The following DGKI variants were observed in gnomAD, a reference collection of about 807,000 sequenced individuals.
The protein encoded by DGKI is diacylglycerol kinase iota, also known as DAG kinase iota.
In DGKI, 55 loss-of-function variants were observed where a neutral mutation model predicts 147.5. That is an observed-to-expected ratio of 0.37 (90% CI 0.30 to 0.47). The LOEUF (loss-of-function observed/expected upper bound fraction) is 0.47. DGKI is among the 20% of genes least tolerant of loss of function. DGKI has a pLI of 1.00. For missense variants in DGKI, 1,007 were observed against 1,323.8 expected (o/e 0.76, Z 3.71); for synonymous variants, 469 against 477.1 (o/e 0.98, Z 0.22).
At chr7:137,770,916 CA>C (rs1023982171) in intron 1 of DGKI, among the ~76,000 whole-genome samples, 3 of 151,814 alleles carry the variant, frequency 2.0e-5, no homozygotes, top group Admixed American at 6.6e-5. Context: ...TGAAGTGAAC[CA>C]AAAAAATCAG....
At chr7:137,394,040 G>A (rs369465558) in intron 32 of DGKI, among the ~76,000 whole-genome samples, 22 of 152,170 alleles carry the variant, frequency 1.4e-4, no homozygotes, top group African/African-American at 4.3e-4. Context: ...TGAGCTACTC[G>A]GTACCTGCTT....
At chr7:137,517,335 GAAAGAGAA>G (rs1276298202) in intron 21 of DGKI, among the ~76,000 whole-genome samples, 67 of 111,204 alleles carry the variant, frequency 6.0e-4, no homozygotes, top group South Asian at 1.7e-3. Flanking sequence ...AAGAAAGAAA[GAAAGAGAA>G]AGAAAGAAAG....
chr7:137,397,000 G>A (rs1260846375), intron 31 of DGKI, among the ~76,000 whole-genome samples: 2 of 152,112 alleles, frequency 1.3e-5, no homozygotes, highest in African/African-American at 4.8e-5. Flanking sequence ...TAATGCCTTA[G>A]GGCAGTAGGG....
intron 1 of DGKI, among the ~76,000 whole-genome samples, chr7:137,721,021 C>T (rs1051100583): frequency 6.6e-6 from 1 of 152,124 alleles, no homozygotes; most frequent in Non-Finnish European, 1.5e-5. Context: ...TCATAGGATA[C>T]CTTTTTGCAT....
chr7:137,548,387 G>A (rs952621015), intron 20 of DGKI, among the ~76,000 whole-genome samples: 1 of 152,158 alleles, frequency 6.6e-6, no homozygotes, highest in Non-Finnish European at 1.5e-5. Flanking sequence ...CCTGGTCAGA[G>A]GTGTTTGGGT....
chr7:137,485,544 C>T (rs1815525742), intron 22 of DGKI, 126 bp from the exon 23 acceptor site: 3 of 702,926 alleles, frequency 4.3e-6, no homozygotes, highest in Admixed American at 2.9e-5. Flanking sequence ...ATCGAACACA[C>T]CCAAATTCAT....
At chr7:137,473,585 C>A (rs1203259382) in intron 23 of DGKI, among the ~76,000 whole-genome samples, 1 of 152,082 alleles carries the variant, frequency 6.6e-6, no homozygotes, top group African/African-American at 2.4e-5. Context: ...CAGTAAAATG[C>A]CTTATGAGAA....
At chr7:137,558,303 G>A (rs1818295602) in intron 19 of DGKI, among the ~76,000 whole-genome samples, 1 of 152,008 alleles carries the variant, frequency 6.6e-6, no homozygotes, top group Non-Finnish European at 1.5e-5. Flanking sequence ...TGTTTGAGAT[G>A]GAGTCTCACT....
At chr7:137,812,627 T>A (rs1585523387) in intron 1 of DGKI, among the ~76,000 whole-genome samples, 1 of 152,206 alleles carries the variant, frequency 6.6e-6, no homozygotes, top group South Asian at 2.1e-4. Context: ...CCTTTCCATA[T>A]ATTAATTCAT....
At chr7:137,712,630 T>G (rs1023365716) in intron 1 of DGKI, among the ~76,000 whole-genome samples, 1 of 152,224 alleles carries the variant, frequency 6.6e-6, no homozygotes, top group Non-Finnish European at 1.5e-5. Context: ...AGTATCTTGT[T>G]TAAAGCATTG....
chr7:137,552,682 G>T, intron 19 of DGKI, 114 bp from the exon 20 acceptor site: 1 of 1,076,798 alleles, frequency 9.3e-7, no homozygotes, highest in Non-Finnish European at 1.4e-6. Flanking sequence ...ACCAAGGCAG[G>T]TGGATCACCG....
At chr7:137,728,708 T>C (rs545085391) in intron 1 of DGKI, among the ~76,000 whole-genome samples, 2 of 152,196 alleles carry the variant, frequency 1.3e-5, no homozygotes, top group East Asian at 3.9e-4. Flanking sequence ...CACCAGCTTT[T>C]CCCCCCATGG....
Position 137,384,179 on chromosome 7 carries a change from T to C in DGKI, c.*7041A>G, listed in dbSNP as rs1432231430. The C allele has an allele frequency of 6.6e-6, 1 of 152,028 alleles. No homozygotes were observed. The highest frequency in any genetic ancestry group is 1.5e-5 in the Non-Finnish European group (1 of 67,938). The allele number at this position is 152,028 out of a possible 1,614,324, so 9.4% of individuals were successfully genotyped here. A position where few individuals can be genotyped will look rare whatever the true frequency, so the allele number is the denominator to read the frequency against. ...CAAAGGAAGAAAAATAGGACTAACA[T>C]TTTTTAAATGCTGAGAATCACAAAT... On this transcript the variant is annotated 3_prime_UTR_variant, in exon 33 of 33. Coordinates refer to ENST00000614521, the MANE Select transcript of DGKI (RefSeq NM_001321708.2).
rs1466435751 is a variant in DGKI at position 137,618,147 on chromosome 7, A to ATT, written c.993+1676_993+1677insAA. 1.9e-3 allele frequency among the ~76,000 whole-genome samples: 22 copies of ATT among 11,532 alleles called. 5 individuals carry two copies. Among genetic ancestry groups the ATT allele is most frequent in the East Asian group, 0.012 (4 of 340 alleles). The allele number at this position is 11,532 out of a possible 152,430, so 7.6% of individuals were successfully genotyped here. On this transcript the variant is annotated intron_variant, in intron 8 of 32. Transcript: ENST00000614521. ...AAATACTATATATATATATATATAT[A>ATT]TATATTTTTTTTTTTTTACTCTATC...
At chr7:137,580,190 GTTACT>G (rs1299291610) in intron 15 of DGKI, among the ~76,000 whole-genome samples, 3 of 152,122 alleles carry the variant, frequency 2.0e-5, no homozygotes, top group South Asian at 2.1e-4. Flanking sequence ...TGATAATTGT[GTTACT>G]TTACAAGTAT....
At chr7:137,836,915 C>A (rs1314272743) in intron 1 of DGKI, among the ~76,000 whole-genome samples, 6 of 152,290 alleles carry the variant, frequency 3.9e-5, no homozygotes, top group African/African-American at 2.4e-5. Context: ...AGATGAAACA[C>A]ATGGGTCTCT....
At chr7:137,681,920 C>T (rs1009105518) in intron 2 of DGKI, among the ~76,000 whole-genome samples, 1 of 152,272 alleles carries the variant, frequency 6.6e-6, no homozygotes, top group Admixed American at 6.5e-5. Flanking sequence ...GCAGTCAACG[C>T]TGTCTACAGG....
chr7:137,481,327 C>T (rs964696932), intron 23 of DGKI, among the ~76,000 whole-genome samples: 1 of 152,100 alleles, frequency 6.6e-6, no homozygotes, highest in Admixed American at 6.6e-5. Flanking sequence ...AGGGAGGAAG[C>T]AGAGAAGGAA....
intron 19 of DGKI, among the ~76,000 whole-genome samples, chr7:137,568,051 C>A (rs1446472878): frequency 1.3e-5 from 2 of 152,038 alleles, no homozygotes; most frequent in African/African-American, 4.8e-5. Flanking sequence ...TACACTGAAA[C>A]CTTCCCATAT....
Sources: gnomAD v4.1 joint callset for allele counts (sites outside exome capture counted in the v4.1 genomes callset) on GRCh38, gnomAD v4.1.1 for gene constraint, MANE v1.5 for transcripts, NCBI Gene and HGNC (gene_info 2026-07-23, HGNC 2026-07-21) for gene names.